PATJ: variants seen among roughly 807,000 people sequenced by gnomAD.
The protein encoded by PATJ is inaD-like protein.
Under a neutral mutation model 224.9 loss-of-function variants are expected in PATJ, and 190 were observed. The ratio of observed to expected loss-of-function variants is 0.84; its 90% CI spans 0.75 to 0.95. The LOEUF is 0.95. Ranked by LOEUF, PATJ falls within the 40% of genes least tolerant of loss-of-function variation. The pLI is 0.00. For missense variants in PATJ, 2,121 were observed against 2,270.3 expected (o/e 0.93, Z 1.34); for synonymous variants, 769 against 820.3 (o/e 0.94, Z 1.07).
chr1:61,837,441 C>A (rs1457296849), intron 17 of PATJ, among the ~76,000 whole-genome samples: 1 of 152,088 alleles, frequency 6.6e-6, no homozygotes, highest in African/African-American at 2.4e-5. Context: ...ATGTGAATTA[C>A]CCAATTGTGG....
At chr1:62,045,176 G>A (rs1194071466) in intron 30 of PATJ, among the ~76,000 whole-genome samples, 5 of 151,786 alleles carry the variant, frequency 3.3e-5, no homozygotes, top group East Asian at 1.9e-4. Flanking sequence ...AGCTGAGATC[G>A]TGCCATTGCA....
chr1:61,748,973 T>C (rs1279872542), intron 1 of PATJ, among the ~76,000 whole-genome samples: 2 of 152,078 alleles, frequency 1.3e-5, no homozygotes, highest in Non-Finnish European at 2.9e-5. Context: ...AGTATACATA[T>C]GAAGTAATTT....
At chr1:62,158,826 G>A (rs1306729310) in intron 43 of PATJ, among the ~76,000 whole-genome samples, 3 of 151,578 alleles carry the variant, frequency 2.0e-5, no homozygotes, top group Non-Finnish European at 4.4e-5. Context: ...GCAGACGCCT[G>A]TAATACCAAC....
At position 61,954,752 on chromosome 1, in the gene PATJ, A is replaced by ATTTTTTTT. The variant is rs373997284; in HGVS notation, c.3670+26925_3670+26926insTTTTTTTT. The stretch of plus-strand genomic sequence containing the variant: ...TTACATTTATGATATGCCAAACTCT[A>ATTTTTTTT]TTGTTTTTTTTTTTTTTTTGAGACA... On this transcript the variant is annotated intron_variant, in intron 27 of 43. Transcript: ENST00000642238. Among the ~76,000 whole-genome samples, 3 of 112,310 alleles carry ATTTTTTTT rather than the reference A, an allele frequency of 2.7e-5. 1 individual carries two copies. The highest frequency in any genetic ancestry group is 3.1e-5 in the African/African-American group (1 of 32,430). 73.7% of individuals were successfully genotyped at this position (112,310 alleles called of 152,430 possible). A position where few individuals can be genotyped will look rare whatever the true frequency, so the allele number is the denominator to read the frequency against.
At chr1:62,136,693 C>CTG (rs1301172971) in intron 41 of PATJ, among the ~76,000 whole-genome samples, 2 of 113,788 alleles carry the variant, frequency 1.8e-5, no homozygotes, top group African/African-American at 3.4e-5. Context: ...GTGTGTGTGT[C>CTG]TGTGTGTGTG....
At chr1:61,801,597 T>A (rs778172936) in intron 11 of PATJ, 26 bp from the exon 12 acceptor site, 171 of 1,412,072 alleles carry the variant, frequency 1.2e-4, no homozygotes, top group Non-Finnish European at 1.5e-4. Flanking sequence ...AACAAAATTT[T>A]AAAAAATTAT....
At chr1:61,970,059 T>A (rs1163441010) in intron 27 of PATJ, among the ~76,000 whole-genome samples, 1 of 151,432 alleles carries the variant, frequency 6.6e-6, no homozygotes, top group East Asian at 1.9e-4. Context: ...TTTGTCTATT[T>A]GGTTTTTTGT....
intron 21 of PATJ, among the ~76,000 whole-genome samples, chr1:61,883,064 A>AT (rs1331861190): frequency 2.0e-5 from 3 of 152,226 alleles, no homozygotes; most frequent in Non-Finnish European, 4.4e-5. Context: ...CTTACTATAT[A>AT]TACATGTTTC....
intron 33 of PATJ, among the ~76,000 whole-genome samples, chr1:62,106,309 T>TA (rs879297668): frequency 4.9e-4 from 67 of 136,452 alleles, no homozygotes; most frequent in Admixed American, 7.6e-4. Flanking sequence ...CATCTCTACT[T>TA]AAAAAAAAAA....
chr1:61,742,934 G>A (rs952180464), intron 1 of PATJ, among the ~76,000 whole-genome samples: 3 of 152,058 alleles, frequency 2.0e-5, no homozygotes, highest in Non-Finnish European at 4.4e-5. Context: ...CTCGAATCTC[G>A]GCCCACTGGT....
intron 14 of PATJ, among the ~76,000 whole-genome samples, chr1:61,818,626 C>CA (rs1218613660): frequency 2.0e-5 from 3 of 152,230 alleles, no homozygotes; most frequent in Admixed American, 6.5e-5. Context: ...ATTAGGTAGG[C>CA]ATCCTTCAGA....
intron 33 of PATJ, among the ~76,000 whole-genome samples, 153 bp downstream of exon 33, chr1:62,084,801 T>G (rs1659753725): frequency 6.6e-6 from 1 of 152,166 alleles, no homozygotes; most frequent in Non-Finnish European, 1.5e-5. Context: ...GTCTAGCTAG[T>G]TTTCAAGTTT....
chr1:62,079,453 G>A lies in PATJ; in HGVS notation c.4129G>A (p.Val1377Ile), dbSNP rs747714466. ...CTAATTTTCCTTTCTTTTGTAGGCT[G>A]TCAGCCAGATGAAACAGCAAAAATA... ...LPESESFKLA[V>I]SQMKQQKYPT... Residue 1377 changes from valine (V) to isoleucine (I), a missense_variant, in exon 32 of 44, where the codon GTC becomes ATC. By Grantham distance (29) the Val-to-Ile change is conservative (BLOSUM62 3). Coordinates refer to ENST00000642238, the MANE Select transcript of PATJ (RefSeq NM_001350145.3). 6.2e-7 allele frequency: 1 copy of A among 1,600,694 alleles called. No homozygotes were observed. The highest frequency in any genetic ancestry group is 8.6e-7 in the Non-Finnish European group (1 of 1,168,358).
intron 1 of PATJ, among the ~76,000 whole-genome samples, chr1:61,759,067 A>G (rs566917146): frequency 1.3e-5 from 2 of 152,336 alleles, no homozygotes; most frequent in South Asian, 4.1e-4. Context: ...TTTCTTATCT[A>G]TTACAAACCT....
intron 41 of PATJ, among the ~76,000 whole-genome samples, chr1:62,140,456 C>T (rs138472774): frequency 0.011 from 1,700 of 152,136 alleles, 27 homozygotes; most frequent in South Asian, 0.08. Context: ...AGTTTGAGAC[C>T]GGCCTGGCCA....
rs548731667 is a variant in PATJ at position 61,863,043 on chromosome 1, T to G, written c.2440-1195T>G. On this transcript the variant is annotated intron_variant, in intron 19 of 43. Coordinates refer to ENST00000642238, the MANE Select transcript of PATJ (RefSeq NM_001350145.3). ...CTGTTTTCAGTTTTTTTTTTTTTTT[T>G]TTTTTTTTTTGAGATGGTATCTTGC... Among the ~76,000 whole-genome samples, 72 of 144,814 alleles carry G rather than the reference T, an allele frequency of 5.0e-4. No homozygotes were observed. In the East Asian group the frequency reaches 0.012, roughly 24 times the overall value.
intron 37 of PATJ, 90 bp from the exon 38 acceptor site, chr1:62,121,091 C>T: frequency 1.3e-6 from 1 of 786,652 alleles, no homozygotes; most frequent in Non-Finnish European, 2.1e-6. Flanking sequence ...GTTATGGTGA[C>T]ATCAGTAATT....
At chr1:62,036,957 A>G (rs1020381959) in intron 29 of PATJ, among the ~76,000 whole-genome samples, 14 of 152,074 alleles carry the variant, frequency 9.2e-5, no homozygotes, top group Admixed American at 2.6e-4. Flanking sequence ...AGGCATTTCA[A>G]GAAAAGGCAG....
chr1:62,098,132 G>C (rs764734712), intron 33 of PATJ, among the ~76,000 whole-genome samples: 22 of 151,946 alleles, frequency 1.4e-4, no homozygotes, highest in Non-Finnish European at 2.9e-4. Context: ...GGCCGAGGCA[G>C]GTGGATCACG....
Sources: gnomAD v4.1 joint callset for allele counts (sites outside exome capture counted in the v4.1 genomes callset) on GRCh38, gnomAD v4.1.1 for gene constraint, MANE v1.5 for transcripts, NCBI Gene and HGNC (gene_info 2026-07-23, HGNC 2026-07-21) for gene names.